PDSS2: variants seen among roughly 807,000 people sequenced by gnomAD.
PDSS2 encodes the protein decaprenyl diphosphate synthase subunit 2, also known as all trans-polyprenyl-diphosphate synthase PDSS2.
Under a neutral mutation model 44.5 loss-of-function variants are expected in PDSS2, and 31 were observed. That is an observed-to-expected ratio of 0.70 (90% confidence interval 0.52 to 0.94). The LOEUF (loss-of-function observed/expected upper bound fraction) is 0.94, where lower values mean the gene tolerates loss of function less well. PDSS2 is among the 40% of genes least tolerant of loss of function. The pLI is 0.00. For synonymous variants in PDSS2, 157 were observed against 180.3 expected (o/e 0.87, Z 1.03); for missense variants, 452 against 482.2 (o/e 0.94, Z 0.59).
intron 7 of PDSS2, among the ~76,000 whole-genome samples, chr6:107,164,003 G>C (rs782099485): frequency 5.3e-5 from 8 of 152,116 alleles, no homozygotes; most frequent in Non-Finnish European, 1.2e-4. Flanking sequence ...TTAAAATGCA[G>C]ATGCCTAGGC....
chr6:107,348,450 A>G (rs1258308392), intron 1 of PDSS2, among the ~76,000 whole-genome samples: 2 of 152,214 alleles, frequency 1.3e-5, no homozygotes, highest in Non-Finnish European at 2.9e-5. Flanking sequence ...TATTACTCCA[A>G]TGTGAAAGGG....
At chr6:107,265,224 T>C (rs1260222902) in intron 3 of PDSS2, among the ~76,000 whole-genome samples, 1 of 152,198 alleles carries the variant, frequency 6.6e-6, no homozygotes, top group East Asian at 1.9e-4. Flanking sequence ...TAATTGACTC[T>C]GCTAATTTTA....
chr6:107,168,807 C>A (rs1204836768), intron 7 of PDSS2, among the ~76,000 whole-genome samples: 2 of 152,108 alleles, frequency 1.3e-5, no homozygotes, highest in Admixed American at 6.6e-5. Context: ...TATTGCCCCC[C>A]ACTCTCTCCT....
At chr6:107,458,931 G>T in intron 1 of PDSS2, 59 bp downstream of exon 1, 3 of 1,519,620 alleles carry the variant, frequency 2.0e-6, no homozygotes, top group Non-Finnish European at 2.7e-6. Context: ...GCGTATGCCC[G>T]CCAGAAAAAA....
At chr6:107,226,787 G>T (rs137915975) in intron 4 of PDSS2, among the ~76,000 whole-genome samples, 1 of 149,572 alleles carries the variant, frequency 6.7e-6, no homozygotes, top group South Asian at 2.1e-4. Flanking sequence ...CTCCTGCCTC[G>T]GCCTCCTGAG....
chr6:107,160,174 C>G (rs561642247), intron 7 of PDSS2, among the ~76,000 whole-genome samples: 4 of 152,260 alleles, frequency 2.6e-5, no homozygotes, highest in African/African-American at 9.6e-5. Context: ...CAAAGTCGCG[C>G]CATTGCAATC....
intron 1 of PDSS2, among the ~76,000 whole-genome samples, chr6:107,390,598 G>T (rs149122110): frequency 6.6e-6 from 1 of 152,212 alleles, no homozygotes; most frequent in East Asian, 1.9e-4. Context: ...ATAAAGTCTG[G>T]AGTTTAATTA....
intron 1 of PDSS2, among the ~76,000 whole-genome samples, chr6:107,419,058 C>T (rs1204049880): frequency 6.6e-6 from 1 of 151,372 alleles, no homozygotes; most frequent in Admixed American, 6.6e-5. Flanking sequence ...AAAAAGAGTA[C>T]AAATGTCATG....
chr6:107,345,959 A>G (rs761935174), intron 1 of PDSS2, among the ~76,000 whole-genome samples: 7 of 152,248 alleles, frequency 4.6e-5, no homozygotes, highest in Admixed American at 2.0e-4. Context: ...CTAAGTTCAA[A>G]CCTTAGCTCT....
At chr6:107,376,491 T>G (rs1779289967) in intron 1 of PDSS2, among the ~76,000 whole-genome samples, 1 of 152,234 alleles carries the variant, frequency 6.6e-6, no homozygotes, top group Non-Finnish European at 1.5e-5. Flanking sequence ...CCTTGTAAGC[T>G]GGATTCCTAA....
chr6:107,207,376 A>G (rs1773016681), intron 6 of PDSS2, among the ~76,000 whole-genome samples: 1 of 152,148 alleles, frequency 6.6e-6, no homozygotes, highest in Non-Finnish European at 1.5e-5. Context: ...AAAGGATCTC[A>G]AAGATATCCA....
chr6:107,333,460 C>T lies in PDSS2; in HGVS notation c.431+738G>A, dbSNP rs1777774929. Reference sequence around the variant, plus strand: ...ACATGAGATGTAAAAATTTTTTAATCCAATAACCAGTAAAAAAGTAGACTA... The same window carrying T: ...ACATGAGATGTAAAAATTTTTTAATTCAATAACCAGTAAAAAAGTAGACTA... On this transcript the variant is annotated intron_variant, in intron 2 of 7. Coordinates refer to ENST00000369037, the MANE Select transcript of PDSS2 (RefSeq NM_020381.4). Among the ~76,000 whole-genome samples, 5 of 151,976 alleles carry T rather than the reference C, an allele frequency of 3.3e-5. No individual in the cohort carries two copies. The South Asian group carries it at 1.0e-3, about 32-fold the overall frequency.
chr6:107,382,648 G>A (rs1287274259), intron 1 of PDSS2, among the ~76,000 whole-genome samples: 3 of 152,070 alleles, frequency 2.0e-5, no homozygotes, highest in Admixed American at 6.6e-5. Flanking sequence ...GACTAGCCTG[G>A]ACAACATAGT....
In PDSS2 at chr6:107,439,352, C is replaced by G. The variant is rs9400118; in HGVS notation, c.296+19638G>C. On this transcript the variant is annotated intron_variant, in intron 1 of 7. Coordinates refer to ENST00000369037, the MANE Select transcript of PDSS2 (RefSeq NM_020381.4). ...GTGACCATGCAACCTAGCTGTCCAT[C>G]ATGAGTTGTTATTGGATGCATTTAA... Among the ~76,000 whole-genome samples, 75 of 152,338 alleles carry G rather than the reference C, an allele frequency of 4.9e-4. 1 individual carries two copies. Among genetic ancestry groups the G allele is most frequent in the East Asian group, 2.7e-3 (14 of 5,184 alleles).
At chr6:107,211,455 G>A (rs890990170) in intron 5 of PDSS2, among the ~76,000 whole-genome samples, 10 of 152,026 alleles carry the variant, frequency 6.6e-5, no homozygotes, top group African/African-American at 2.4e-4. Context: ...TAAGGGGCCA[G>A]GCGTGGTGGC....
intron 1 of PDSS2, among the ~76,000 whole-genome samples, chr6:107,406,521 A>T (rs1726818373): frequency 6.6e-6 from 1 of 152,222 alleles, no homozygotes; most frequent in Non-Finnish European, 1.5e-5. Context: ...TATTTTCATC[A>T]ATTTTTGCTT....
chr6:107,402,323 A>G (rs540504972), intron 1 of PDSS2, among the ~76,000 whole-genome samples: 1 of 149,842 alleles, frequency 6.7e-6, no homozygotes, highest in African/African-American at 2.4e-5. Flanking sequence ...ACAAAAAAGA[A>G]TGGACAAAGC....
chr6:107,325,405 C>G (rs538420504), intron 2 of PDSS2, among the ~76,000 whole-genome samples: 13 of 152,130 alleles, frequency 8.5e-5, no homozygotes, highest in Non-Finnish European at 1.9e-4. Flanking sequence ...ACCTGCATAT[C>G]ATTAATTTAA....
intron 2 of PDSS2, among the ~76,000 whole-genome samples, chr6:107,305,497 G>A (rs1753229518): frequency 6.6e-6 from 1 of 152,174 alleles, no homozygotes; most frequent in African/African-American, 2.4e-5. Context: ...TCTATCACAT[G>A]TAGAATCTTA....
Sources: gnomAD v4.1 joint callset for allele counts (sites outside exome capture counted in the v4.1 genomes callset) on GRCh38, gnomAD v4.1.1 for gene constraint, MANE v1.5 for transcripts, NCBI Gene and HGNC (gene_info 2026-07-23, HGNC 2026-07-21) for gene names.